The following DOCK8 variants were observed in gnomAD, a reference collection of about 807,000 sequenced individuals.
DOCK8 encodes dedicator of cytokinesis protein 8.
In DOCK8, 141 loss-of-function variants were observed where a neutral mutation model predicts 245.6. That is an observed-to-expected ratio of 0.57 (90% CI 0.50 to 0.66). The LOEUF (loss-of-function observed/expected upper bound fraction) is 0.66, where lower values mean the gene tolerates loss of function less well. DOCK8 is among the 30% of genes least tolerant of loss of function. The pLI, the probability that DOCK8 is intolerant of heterozygous loss-of-function variation, is 0.00. For missense variants in DOCK8, 2,965 were observed against 2,603.4 expected, an observed-to-expected ratio of 1.14 and a Z score of -3.02; for synonymous variants, 1,168 against 970.2, an observed-to-expected ratio of 1.20 and a Z score of -3.79.
intron 14 of DOCK8, among the ~76,000 whole-genome samples, chr9:347,958 G>A (rs1036124325): frequency 3.9e-5 from 6 of 152,164 alleles, no homozygotes; most frequent in Admixed American, 1.3e-4. Context: ...ATATGAAGTC[G>A]TGATTTATGA....
chr9:316,559 G>A (rs2050355683), intron 6 of DOCK8, among the ~76,000 whole-genome samples: 1 of 152,192 alleles, frequency 6.6e-6, no homozygotes, highest in South Asian at 2.1e-4. Context: ...ACAGTGAACT[G>A]AGAAAGTGAC....
chr9:274,188 G>A (rs1188030730), intron 2 of DOCK8, among the ~76,000 whole-genome samples: 1 of 152,152 alleles, frequency 6.6e-6, no homozygotes, highest in Non-Finnish European at 1.5e-5. Context: ...GGGTAGTGAC[G>A]TTAACATGTG....
At chr9:382,809 T>G in intron 22 of DOCK8, 124 bp downstream of exon 22, 2 of 1,312,824 alleles carry the variant, frequency 1.5e-6, no homozygotes, top group Non-Finnish European at 1.1e-6. Flanking sequence ...GCTTTAATGC[T>G]CAGCTTTGGA....
chr9:223,622 CTT>C (rs113604836), intron 1 of DOCK8, among the ~76,000 whole-genome samples: 7 of 140,306 alleles, frequency 5.0e-5, no homozygotes, highest in African/African-American at 1.6e-4. Context: ...GTTTTAAAAT[CTT>C]TTTTTTTTTT....
chr9:361,408 C>G (rs1235892059), intron 14 of DOCK8, among the ~76,000 whole-genome samples: 2 of 152,208 alleles, frequency 1.3e-5, no homozygotes, highest in Admixed American at 6.5e-5. Flanking sequence ...TTTGTTCACA[C>G]AATCCTGGTA....
Position 370,386 on chromosome 9 carries a change from A to G in DOCK8, c.1868+86A>G, listed in dbSNP as rs2053232466. ...CCAAGTCCCGTGGGTGGTTCCTCCT[A>G]ACTATTTTTATAATTCAGGGACTGA... is the stretch of plus-strand genomic sequence containing the variant. On this transcript the variant is annotated intron_variant, in intron 16 of 47. Transcript: ENST00000432829. The G allele has an allele frequency of 1.3e-5, 16 of 1,189,572 alleles. No individual in the cohort carries two copies. The South Asian group carries it at 1.7e-4, about 13-fold the overall frequency. 73.7% of individuals were successfully genotyped at this position (1,189,572 alleles called of 1,614,324 possible).
intron 2 of DOCK8, 146 bp downstream of exon 2, chr9:271,875 A>G (rs997642521): frequency 1.5e-6 from 1 of 660,072 alleles, no homozygotes; most frequent in Non-Finnish European, 2.7e-6. Context: ...GTGTCTGGAC[A>G]TCAGACAATA....
intron 1 of DOCK8, among the ~76,000 whole-genome samples, chr9:235,245 T>G (rs542778242): frequency 6.6e-6 from 1 of 152,130 alleles, no homozygotes; most frequent in Non-Finnish European, 1.5e-5. Flanking sequence ...GCTGCCTGAT[T>G]GTTCCTCTGG....
At chr9:442,600 G>C (rs897372782) in intron 42 of DOCK8, among the ~76,000 whole-genome samples, 1 of 151,202 alleles carries the variant, frequency 6.6e-6, no homozygotes, top group Non-Finnish European at 1.5e-5. Context: ...TGAAAGCATG[G>C]AGAAAAAGAG....
chr9:393,539 G>A (rs574726500), intron 24 of DOCK8, among the ~76,000 whole-genome samples: 3 of 152,314 alleles, frequency 2.0e-5, no homozygotes, highest in African/African-American at 7.2e-5. Context: ...TCAGCCAAAT[G>A]CTTCAGCAGT....
At chr9:335,556 C>T (rs1212130532) in intron 11 of DOCK8, among the ~76,000 whole-genome samples, 1 of 152,144 alleles carries the variant, frequency 6.6e-6, no homozygotes, top group African/African-American at 2.4e-5. Flanking sequence ...TAACAAACCT[C>T]ACTTTACCAC....
chr9:284,944 G>A (rs73374584), intron 2 of DOCK8, among the ~76,000 whole-genome samples: 6,078 of 152,228 alleles, frequency 0.04, 266 homozygotes, highest in African/African-American at 0.11. Context: ...CCTACTTGTG[G>A]GTGAAGGGTG....
intron 1 of DOCK8, among the ~76,000 whole-genome samples, chr9:249,428 T>A (rs1194798270): frequency 6.6e-6 from 1 of 152,156 alleles, no homozygotes; most frequent in Non-Finnish European, 1.5e-5. Context: ...CTCAATACAT[T>A]TTCTTTCAAA....
intron 4 of DOCK8, among the ~76,000 whole-genome samples, chr9:294,116 C>T (rs946710006): frequency 2.0e-5 from 3 of 152,084 alleles, no homozygotes; most frequent in African/African-American, 7.2e-5. Flanking sequence ...AATAACTGTC[C>T]ATGTCAGAGC....
intron 45 of DOCK8, among the ~76,000 whole-genome samples, chr9:450,742 A>C (rs1004489977): frequency 2.6e-5 from 4 of 151,974 alleles, no homozygotes; most frequent in Non-Finnish European, 5.9e-5. Flanking sequence ...AAAATGAGGA[A>C]ACGTTTGCCT....
chr9:396,651 G>C, intron 24 of DOCK8, 134 bp from the exon 25 acceptor site: 1 of 1,254,582 alleles, frequency 8.0e-7, no homozygotes, highest in Non-Finnish European at 1.2e-6. Flanking sequence ...AGCTTGCTCG[G>C]GCACCACCAG....
intron 1 of DOCK8, among the ~76,000 whole-genome samples, chr9:230,061 C>G (rs898272664): frequency 8.1e-6 from 1 of 124,116 alleles, no homozygotes; most frequent in Non-Finnish European, 1.6e-5. Context: ...CCCCTCCCCC[C>G]ACCCCACAAC....
chr9:214,588 G>A, upstream of DOCK8: 1 of 1,613,984 alleles, frequency 6.2e-7, no homozygotes, highest in Non-Finnish European at 8.5e-7. Flanking sequence ...TGGCAGCCTC[G>A]CAGCTTCGGG....
intron 14 of DOCK8, among the ~76,000 whole-genome samples, chr9:347,980 A>G (rs1213715583): frequency 1.3e-5 from 2 of 152,154 alleles, no homozygotes; most frequent in African/African-American, 2.4e-5. Flanking sequence ...AGTAGGACAC[A>G]TATTGTATTT....
Sources: gnomAD v4.1 joint callset for allele counts (sites outside exome capture counted in the v4.1 genomes callset) on GRCh38, gnomAD v4.1.1 for gene constraint, MANE v1.5 for transcripts, NCBI Gene and HGNC (gene_info 2026-07-23, HGNC 2026-07-21) for gene names.